ZFYVE28: variants seen among roughly 807,000 people sequenced by gnomAD.
ZFYVE28 encodes the protein lateral signaling target protein 2 homolog.
ZFYVE28 carries 40 observed loss-of-function variants against 82.1 expected under a neutral mutation model. The observed-to-expected ratio is 0.49, with a 90% CI of 0.38 to 0.63. The LOEUF is 0.63. ZFYVE28 is among the 30% of genes least tolerant of loss of function. The probability of loss-of-function intolerance (pLI) is 0.00; values close to 1 mark genes in which losing one functional copy is unlikely to be tolerated. For missense variants in ZFYVE28, 1,321 were observed against 1,242.1 expected, an observed-to-expected ratio of 1.06 and a Z score of -0.96; for synonymous variants, 612 against 546.1, an observed-to-expected ratio of 1.12 and a Z score of -1.68.
At chr4:2,301,947 A>G (rs1043916360) in intron 8 of ZFYVE28, among the ~76,000 whole-genome samples, 1 of 152,186 alleles carries the variant, frequency 6.6e-6, no homozygotes, top group African/African-American at 2.4e-5. Flanking sequence ...TGTGACAGGA[A>G]AAGCCTGGAA....
chr4:2,337,558 G>C (rs1389952377), intron 4 of ZFYVE28, 62 bp from the exon 5 acceptor site: 3 of 1,340,328 alleles, frequency 2.2e-6, no homozygotes, highest in East Asian at 2.6e-5. Context: ...CTCCAAAACA[G>C]AGTGGGGGGC....
chr4:2,412,729 C>T (rs1383115701), intron 1 of ZFYVE28, among the ~76,000 whole-genome samples: 1 of 152,190 alleles, frequency 6.6e-6, no homozygotes, highest in African/African-American at 2.4e-5. Context: ...TGTCACTTAC[C>T]AGCTCTCAGA....
At chr4:2,296,670 G>C (rs868091937) in intron 8 of ZFYVE28, among the ~76,000 whole-genome samples, 2 of 152,164 alleles carry the variant, frequency 1.3e-5, no homozygotes, top group Non-Finnish European at 2.9e-5. Flanking sequence ...GCCCCAGACA[G>C]TCTGGGGGAA....
chr4:2,315,151 G>C (rs1718024776), intron 7 of ZFYVE28, among the ~76,000 whole-genome samples: 1 of 152,016 alleles, frequency 6.6e-6, no homozygotes, highest in Admixed American at 6.5e-5. Context: ...TTATGTGCAG[G>C]TTGCTGATAA....
At chr4:2,294,074 CT>C (rs58688626) in intron 8 of ZFYVE28, among the ~76,000 whole-genome samples, 575 of 137,758 alleles carry the variant, frequency 4.2e-3, no homozygotes, top group Non-Finnish European at 5.2e-3. Context: ...TCCCAGCAGG[CT>C]TTTTTTTTTT....
rs1343325552 is a variant in ZFYVE28 at position 2,304,851 on chromosome 4, C to G, written c.1489G>C (p.Asp497His). 6.2e-7 allele frequency: 1 copy of G among 1,612,684 alleles called. No individual in the cohort carries two copies. Among genetic ancestry groups the G allele is most frequent in the Non-Finnish European group, 8.5e-7 (1 of 1,179,888 alleles). Reference protein sequence around the residue: ...HLDGWEVGADDAETAEMIAHR... With the variant: ...HLDGWEVGADHAETAEMIAHR... ...GCGATCATCTCAGCCGTCTCTGCGT[C>G]ATCCGCACCCACCTCCCAGCCGTCC... The change falls in exon 8 of 13, where the codon GAC becomes CAC. Residue 497 changes from aspartate to histidine, a missense_variant. Around this residue, in one of 2 missense-constraint regions of ZFYVE28, gnomAD observed 978 missense variants for 833.7 expected, o/e 1.17. Coordinates refer to ENST00000290974, the MANE Select transcript of ZFYVE28 (RefSeq NM_020972.3).
intron 8 of ZFYVE28, chr4:2,286,809 C>G: frequency 6.6e-6 from 1 of 152,170 alleles, no homozygotes; most frequent in Middle Eastern, 3.2e-3. Flanking sequence ...GCTGGAGGCA[C>G]AGGATTCAGA....
intron 1 of ZFYVE28, among the ~76,000 whole-genome samples, chr4:2,378,698 T>C (rs750047200): frequency 1.3e-5 from 2 of 152,208 alleles, no homozygotes; most frequent in Non-Finnish European, 2.9e-5. Flanking sequence ...ACTGCTTTCC[T>C]GGATTGAGAC....
rs1560121746 is a variant in ZFYVE28 at position 2,271,658 on chromosome 4, C to T, written c.2428+17G>A. The stretch of plus-strand genomic sequence containing the variant: ...TGGTGTCTAGTGCAGTGTCCTGACC[C>T]AGAGCCTCCCACACACCTTCAAAGT... On this transcript the variant is annotated intron_variant, in intron 11 of 12. Coordinates refer to ENST00000290974, the MANE Select transcript of ZFYVE28 (RefSeq NM_020972.3). The T allele has an allele frequency of 6.2e-7, 1 of 1,612,424 alleles. No individual in the cohort carries two copies. Among genetic ancestry groups the T allele is most frequent in the Non-Finnish European group, 8.5e-7 (1 of 1,178,804 alleles).
Position 2,283,985 on chromosome 4 carries a change from C to G in ZFYVE28, c.2052-9769G>C, listed in dbSNP as rs185075653. 7.4e-4 allele frequency among the ~76,000 whole-genome samples: 112 copies of G among 152,312 alleles called. 1 individual carries two copies. Among genetic ancestry groups the G allele is most frequent in the Middle Eastern group, 3.4e-3 (1 of 294 alleles). On this transcript the variant is annotated intron_variant, in intron 8 of 12. Coordinates refer to ENST00000290974, the MANE Select transcript of ZFYVE28 (RefSeq NM_020972.3). ...GAGGGCTGGACAGTTCGGACCTTGG[C>G]CTGTTGGTCAGTGCCCCCAGAGGAT...
At chr4:2,369,788 C>T (rs976925663) in intron 1 of ZFYVE28, among the ~76,000 whole-genome samples, 2 of 151,574 alleles carry the variant, frequency 1.3e-5, no homozygotes, top group African/African-American at 4.9e-5. Flanking sequence ...GTGCTGCCCA[C>T]ACCACGACCT....
chr4:2,281,013 C>T (rs751639303), intron 8 of ZFYVE28, among the ~76,000 whole-genome samples: 22 of 152,238 alleles, frequency 1.4e-4, no homozygotes, highest in Non-Finnish European at 2.8e-4. Flanking sequence ...CGATTGCCCA[C>T]GGGTAGGTCA....
rs1243184304 is a variant in ZFYVE28 at position 2,417,577 on chromosome 4, TC to T, written c.39+707del. 1.3e-5 allele frequency among the ~76,000 whole-genome samples: 2 copies of T among 151,788 alleles called. No individual in the cohort carries two copies. Among genetic ancestry groups the T allele is most frequent in the African/African-American group, 2.4e-5 (1 of 41,364 alleles). ...CCCCAAGGGCCGGGCGGAGGACCTGTCCCGGATTCCAGAGGACGTGGGTGGG... is the reference window on the plus strand; with the variant it reads ...CCCCAAGGGCCGGGCGGAGGACCTGTCCGGATTCCAGAGGACGTGGGTGGG... On this transcript the variant is annotated intron_variant, in intron 1 of 12. Transcript: ENST00000290974. This position sits in a 1 kb window ranked among gnomAD's most constrained non-coding sequence, Gnocchi z 4.8.
chr4:2,280,046 T>C (rs73797464), intron 8 of ZFYVE28, among the ~76,000 whole-genome samples: 7,115 of 152,278 alleles, frequency 0.047, 330 homozygotes, highest in African/African-American at 0.11. Context: ...GAGAATGTTT[T>C]TCTTGTAATC....
intron 1 of ZFYVE28, among the ~76,000 whole-genome samples, chr4:2,404,600 C>CT (rs1168882163): frequency 2.0e-5 from 3 of 152,202 alleles, no homozygotes; most frequent in African/African-American, 4.8e-5. Flanking sequence ...CAGCATATGA[C>CT]TCCTTTTATA....
chr4:2,298,956 C>T (rs1010568032), intron 8 of ZFYVE28, among the ~76,000 whole-genome samples: 3 of 152,228 alleles, frequency 2.0e-5, no homozygotes, highest in Non-Finnish European at 4.4e-5. Flanking sequence ...CCCGGCCCCA[C>T]CACAGAGGAG....
intron 1 of ZFYVE28, among the ~76,000 whole-genome samples, chr4:2,361,089 T>C (rs183217734): frequency 9.8e-5 from 15 of 152,316 alleles, no homozygotes; most frequent in Admixed American, 4.6e-4. Flanking sequence ...AGGAAGCTCT[T>C]TTAAAATCAC....
chr4:2,274,946 G>A (rs538628668), intron 8 of ZFYVE28, among the ~76,000 whole-genome samples: 23 of 138,436 alleles, frequency 1.7e-4, no homozygotes, highest in African/African-American at 4.8e-4. Flanking sequence ...TCGGGCCTCC[G>A]ACTGCGAGAC....
intron 8 of ZFYVE28, among the ~76,000 whole-genome samples, chr4:2,298,296 G>C (rs1314819398): frequency 6.6e-6 from 1 of 152,186 alleles, no homozygotes; most frequent in Non-Finnish European, 1.5e-5. Context: ...AGGATGAGTG[G>C]TGATGCGTGA....
Sources: allele counts gnomAD v4.1 joint callset (sites outside exome capture counted in the v4.1 genomes callset), GRCh38; gene constraint gnomAD v4.1.1; regional missense constraint gnomAD v4.1.1; non-coding constraint Gnocchi (gnomAD v3.1); transcripts MANE v1.5; gene names NCBI Gene and HGNC (gene_info 2026-07-23, HGNC 2026-07-21).